LRFN3: variants seen among roughly 807,000 people sequenced by gnomAD.
LRFN3 encodes the protein leucine rich repeat and fibronectin type III domain containing 3, also known as leucine-rich repeat and fibronectin type-III domain-containing protein 3.
In LRFN3, 8 loss-of-function variants were observed where a neutral mutation model predicts 23.8. The observed-to-expected ratio is 0.34, with a 90% confidence interval of 0.20 to 0.61. The LOEUF (loss-of-function observed/expected upper bound fraction) is 0.61. LRFN3 is among the 20% of genes least tolerant of loss of function. LRFN3 has a pLI of 0.80. For synonymous variants in LRFN3, 451 were observed against 450.6 expected (o/e 1.00, Z -0.01); for missense variants, 736 against 935.3 (o/e 0.79, Z 2.78).
In LRFN3 at chr19:35,944,915, A is replaced by ACGCCCG. The variant is rs1179779453; in HGVS notation, c.1785_1790dup (p.Ala597_Pro598dup). 4.5e-6 allele frequency: 7 copies of ACGCCCG among 1,558,558 alleles called. No homozygotes were observed. In the East Asian group the frequency reaches 1.2e-4, roughly 26 times the overall value. On this transcript the variant is annotated inframe_insertion, in exon 3 of 3. Transcript: ENST00000246529. The surrounding 1 kb of genome is among the most constrained non-coding windows in gnomAD (Gnocchi z 4.5). ...CAACGGCGCCCTGGGCCCCACGCCC[A>ACGCCCG]CGCCCGCCCCGCCCGCCCCGGAGCC...
Position 35,944,768 on chromosome 19 carries a change from G to T in LRFN3, c.1636G>T (p.Val546Phe). 1 of 1,610,132 alleles carries T rather than the reference G, an allele frequency of 6.2e-7. No individual in the cohort carries two copies. Reference sequence around the variant, plus strand: ...CACGATGATCATCGCGCTGGGCGGCGTCATCGTAGCCTCGGTACTGGTCTT... The same window carrying T: ...CACGATGATCATCGCGCTGGGCGGCTTCATCGTAGCCTCGGTACTGGTCTT... ...GGTMIIALGG[V>F]IVASVLVFIF... The change falls in exon 3 of 3, where the codon GTC becomes TTC. Residue 546 changes from valine to phenylalanine, a missense_variant. This residue lies in a region of LRFN3 where 290 missense variants were observed against 287.4 expected (regional missense o/e 1.01). Transcript: ENST00000246529. The surrounding 1 kb of genome is among the most constrained non-coding windows in gnomAD (Gnocchi z 4.5).
At chr19:35,940,861 G>A (rs1976113265) in intron 2 of LRFN3, 21 bp downstream of exon 2, 4 of 1,513,230 alleles carry the variant, frequency 2.6e-6, no homozygotes, top group Non-Finnish European at 3.6e-6. Flanking sequence ...CAGGCACTGG[G>A]GTAGCTTGGG....
In LRFN3 at chr19:35,939,810, G is replaced by C; in HGVS notation, c.385G>C (p.Gly129Arg). The C allele has an allele frequency of 6.2e-7, 1 of 1,603,198 alleles. No individual in the cohort carries two copies. The highest frequency in any genetic ancestry group is 8.5e-7 in the Non-Finnish European group (1 of 1,179,768). The change falls in exon 2 of 3, where the codon GGC (glycine) becomes CGC (arginine). Residue 129 changes from glycine (G) to arginine (R), a missense_variant. Physicochemically the swap from Gly to Arg is moderately radical, Grantham distance 125 (BLOSUM62 -2). Transcript: ENST00000246529. This position sits in a 1 kb window ranked among gnomAD's most constrained non-coding sequence, Gnocchi z 6.4. ...LTSLGEGQLR[G>R]LVNLRHLILS... ...CTCACTGGGCGAGGGCCAGCTGCGC[G>C]GCCTGGTCAACTTGCGCCACCTCAT...
In LRFN3 at chr19:35,937,326, CAAACTGGACCCGTA is replaced by C. The variant is rs570845535; in HGVS notation, c.-234_-221del. The C allele has an allele frequency of 6.6e-6, 1 of 152,420 alleles. No homozygotes were observed. Among genetic ancestry groups the C allele is most frequent in the Non-Finnish European group, 1.5e-5 (1 of 68,138 alleles). The allele number at this position is 152,420 out of a possible 1,614,324, so 9.4% of individuals were successfully genotyped here. A position where few individuals can be genotyped will look rare whatever the true frequency, so the allele number is the denominator to read the frequency against. On this transcript the variant is annotated 5_prime_UTR_variant, in exon 1 of 3. The change abolishes the stop of an existing upstream ORF in the 5' untranslated region. Coordinates refer to ENST00000246529, the MANE Select transcript of LRFN3 (RefSeq NM_024509.2). Reference sequence around the variant, plus strand: ...TGGGAGACCCTGACCCTGAACAACCCAAACTGGACCCGTAAAACTGGACCCTAGAGGCCCAATAT... The same window carrying C: ...TGGGAGACCCTGACCCTGAACAACCCAAACTGGACCCTAGAGGCCCAATAT...
chr19:35,939,649 G>A lies in LRFN3; in HGVS notation c.224G>A (p.Arg75His), dbSNP rs760004767. ...RLADNFIASV[R>H]RRDLANMTGL... ...GCAGACAACTTCATCGCCTCCGTGC[G>A]CCGCCGCGACCTGGCCAACATGACA... Residue 75 changes from arginine to histidine, a missense_variant, in exon 2 of 3, where the codon CGC becomes CAC. Arg to His is a conservative substitution (Grantham distance 29, BLOSUM62 0). Around this residue, in one of 2 missense-constraint regions of LRFN3, gnomAD observed 446 missense variants for 647.9 expected, o/e 0.69. Transcript: ENST00000246529. This position sits in a 1 kb window ranked among gnomAD's most constrained non-coding sequence, Gnocchi z 6.4. The A allele has an allele frequency of 2.4e-5, 38 of 1,608,204 alleles. No individual in the cohort carries two copies. Among genetic ancestry groups the A allele is most frequent in the African/African-American group, 2.7e-5 (2 of 74,914 alleles).
chr19:35,936,704 C>T lies in LRFN3; in HGVS notation c.-868C>T. The T allele has an allele frequency of 6.5e-6, 1 of 152,998 alleles. No homozygotes were observed. The highest frequency in any genetic ancestry group is 1.5e-5 in the Non-Finnish European group (1 of 68,544). 9.5% of individuals were successfully genotyped at this position (152,998 alleles called of 1,614,324 possible). On this transcript the variant is annotated 5_prime_UTR_variant, in exon 1 of 3. Coordinates refer to ENST00000246529, the MANE Select transcript of LRFN3 (RefSeq NM_024509.2). The stretch of plus-strand genomic sequence containing the variant: ...AGGAAGCCAGCCGGGACGCCGCCGC[C>T]CCGGACCCCGCGCCCTAACCTCCAC...
chr19:35,946,252 A>G lies in LRFN3; in HGVS notation c.*1233A>G, dbSNP rs1976177023. On this transcript the variant is annotated 3_prime_UTR_variant, in exon 3 of 3. Coordinates refer to ENST00000246529, the MANE Select transcript of LRFN3 (RefSeq NM_024509.2). ...TGGAAATAGAAATGAGGGCTTTGTCAGCAGAGATGGGAACTGACGCTGCTG... is the reference window on the plus strand; with the variant it reads ...TGGAAATAGAAATGAGGGCTTTGTCGGCAGAGATGGGAACTGACGCTGCTG... 1.3e-5 allele frequency among the ~76,000 whole-genome samples: 2 copies of G among 152,160 alleles called. No homozygotes were observed. The highest frequency in any genetic ancestry group is 3.9e-4 in the East Asian group (2 of 5,180).
rs550258132 is a variant in LRFN3, at chr19:35,943,923, G to A, written c.1416-625G>A. ...AAACCGGCAAGGTGTGGTGGCTCAC[G>A]CCTGTAATCCCAACACTTAAGGAGG... On this transcript the variant is annotated intron_variant, in intron 2 of 2. Transcript: ENST00000246529. 5.3e-5 allele frequency among the ~76,000 whole-genome samples: 8 copies of A among 152,308 alleles called. No homozygotes were observed. In the East Asian group the frequency reaches 7.7e-4, roughly 15 times the overall value.
At chr19:35,942,308 T>G (rs536677700) in intron 2 of LRFN3, among the ~76,000 whole-genome samples, 2 of 152,336 alleles carry the variant, frequency 1.3e-5, no homozygotes, top group African/African-American at 4.8e-5. Context: ...ACACAGAACC[T>G]GGGGTTTACA....
rs963378028 is a variant in LRFN3 at position 35,937,495 on chromosome 19, G to A, written c.-77G>A. ...AGCATGACCAGATGCTCCCTCCAGA[G>A]CCCTGACCTCTGACTCCCCTGGAGC... is the stretch of plus-strand genomic sequence containing the variant. On this transcript the variant is annotated 5_prime_UTR_variant, in exon 1 of 3. Coordinates refer to ENST00000246529, the MANE Select transcript of LRFN3 (RefSeq NM_024509.2). The A allele has an allele frequency of 1.3e-5, 2 of 152,688 alleles. No homozygotes were observed. Among genetic ancestry groups the A allele is most frequent in the African/African-American group, 4.8e-5 (2 of 41,416 alleles). 9.5% of individuals were successfully genotyped at this position (152,688 alleles called of 1,614,324 possible).
chr19:35,937,809 G>A (rs894474461), intron 1 of LRFN3, among the ~76,000 whole-genome samples: 2 of 152,084 alleles, frequency 1.3e-5, no homozygotes, highest in African/African-American at 2.4e-5. Context: ...ACAGCCTTTC[G>A]CTGTCTATCC....
At chr19:35,941,128 A>G (rs968200099) in intron 2 of LRFN3, among the ~76,000 whole-genome samples, 9 of 152,362 alleles carry the variant, frequency 5.9e-5, no homozygotes, top group South Asian at 2.1e-4. Flanking sequence ...GGGCTAAAAA[A>G]GATCAAGCAA....
chr19:35,940,088 C>T lies in LRFN3; in HGVS notation c.663C>T (p.Pro221=), dbSNP rs201857342. The change falls in exon 2 of 3, where the codon CCC becomes CCT. Residue 221 remains proline, a synonymous_variant. Transcript: ENST00000246529. ...CCAACCGCCTGACCACAATCCCACC[C>T]GACCCACTCTTCTCCCGCCTGCCCC... ...MTSNRLTTIP[P]DPLFSRLPLL... 42 of 1,612,184 alleles carry T rather than the reference C, an allele frequency of 2.6e-5. No individual in the cohort carries two copies. In the African/African-American group the frequency reaches 4.3e-4, roughly 16 times the overall value.
At chr19:35,940,918 C>CGAGAT in intron 2 of LRFN3, 78 bp downstream of exon 2, 1 of 1,432,508 alleles carries the variant, frequency 7.0e-7, no homozygotes, top group Non-Finnish European at 9.2e-7. Context: ...CTACTAATAC[C>CGAGAT]CTACACCGAA....
At position 35,940,645 on chromosome 19, in the gene LRFN3, C is replaced by T. The variant is rs1289430506; in HGVS notation, c.1220C>T (p.Ala407Val). ...CCCCCGCGGGACGGGGATCCTGATG[C>T]TCTCACCCCACCCTCCGCTGCCTCT... is the stretch of plus-strand genomic sequence containing the variant. ...CDPPRDGDPD[A>V]LTPPSAASAS... Residue 407 changes from alanine to valine, a missense_variant, in exon 2 of 3, where the codon GCT becomes GTT. This residue lies in a region of LRFN3 where 446 missense variants were observed against 647.9 expected (regional missense o/e 0.69). Transcript: ENST00000246529. 1.2e-6 allele frequency: 2 copies of T among 1,611,798 alleles called. No individual in the cohort carries two copies. The highest frequency in any genetic ancestry group is 2.2e-5 in the East Asian group (1 of 44,832).
chr19:35,944,786 C>A lies in LRFN3; in HGVS notation c.1654C>A (p.Leu552Met). The A allele has an allele frequency of 2.5e-6, 4 of 1,611,348 alleles. No homozygotes were observed. Among genetic ancestry groups the A allele is most frequent in the Non-Finnish European group, 3.4e-6 (4 of 1,179,268 alleles). Residue 552 changes from leucine to methionine, a missense_variant, in exon 3 of 3, where the codon CTG becomes ATG. Physicochemically the swap from Leu to Met is conservative, Grantham distance 15. Transcript: ENST00000246529. This position sits in a 1 kb window ranked among gnomAD's most constrained non-coding sequence, Gnocchi z 4.5. ...ALGGVIVASV[L>M]VFIFVLLMRY... ...GGGCGGCGTCATCGTAGCCTCGGTA[C>A]TGGTCTTCATCTTCGTGCTGCTAAT...
At position 35,945,244 on chromosome 19, in the gene LRFN3, G is replaced by C. The variant is rs79676065; in HGVS notation, c.*225G>C. The C allele has an allele frequency of 8.8e-3, 3,603 of 411,440 alleles. 92 individuals are homozygous for C. Among genetic ancestry groups the C allele is most frequent in the African/African-American group, 0.058 (2,751 of 47,702 alleles). 25.5% of individuals were successfully genotyped at this position (411,440 alleles called of 1,614,324 possible). ...ATGGGGGTTGGGGGACGGAGCAGGG[G>C]TCTGGAGCTGGGGAATGCCTCCTTT... is the stretch of plus-strand genomic sequence containing the variant. On this transcript the variant is annotated 3_prime_UTR_variant, in exon 3 of 3. Transcript: ENST00000246529.
Position 35,940,771 on chromosome 19 carries a change from G to A in LRFN3, c.1346G>A (p.Arg449Gln), listed in dbSNP as rs374805915. 31 of 1,611,422 alleles carry A rather than the reference G, an allele frequency of 1.9e-5. No homozygotes were observed. The highest frequency in any genetic ancestry group is 1.9e-4 in the African/African-American group (14 of 74,916). The change falls in exon 2 of 3, where the codon CGG becomes CAG. Residue 449 changes from arginine to glutamine, a missense_variant. Around this residue, in one of 2 missense-constraint regions of LRFN3, gnomAD observed 290 missense variants for 287.4 expected, o/e 1.01. Coordinates refer to ENST00000246529, the MANE Select transcript of LRFN3 (RefSeq NM_024509.2). ...GCTCTTGTCCAGTGGCCGGATCAGC[G>A]GCCTATCCCGGGCATCCGCATGTAC... Reference protein sequence around the residue: ...TAALVQWPDQRPIPGIRMYQI... With the variant: ...TAALVQWPDQQPIPGIRMYQI...
rs71836568 is a variant in LRFN3, at chr19:35,946,343, C to CTT, written c.*1335_*1336dup. Among the ~76,000 whole-genome samples, 4,627 of 144,654 alleles carry CTT rather than the reference C, an allele frequency of 0.032. 153 individuals carry two copies. The highest frequency in any genetic ancestry group is 0.12 in the East Asian group (596 of 4,994). The allele number at this position is 144,654 out of a possible 152,430, so 94.9% of individuals were successfully genotyped here. A position where few individuals can be genotyped will look rare whatever the true frequency, so the allele number is the denominator to read the frequency against. ...CACTATGGGACATTTTTTCTTTTTTCTTTTTTTTTTTTACAGATGGGGTCT... is the reference window on the plus strand; with the variant it reads ...CACTATGGGACATTTTTTCTTTTTTCTTTTTTTTTTTTTTACAGATGGGGTCT... On this transcript the variant is annotated 3_prime_UTR_variant, in exon 3 of 3. Coordinates refer to ENST00000246529, the MANE Select transcript of LRFN3 (RefSeq NM_024509.2).
Sources: allele counts gnomAD v4.1 joint callset (sites outside exome capture counted in the v4.1 genomes callset), GRCh38; gene constraint gnomAD v4.1.1; regional missense constraint gnomAD v4.1.1; non-coding constraint Gnocchi (gnomAD v3.1); transcripts MANE v1.5; gene names NCBI Gene and HGNC (gene_info 2026-07-23, HGNC 2026-07-21).